Variants in SPTLC2 observed in about 807,000 individuals in gnomAD.
The protein encoded by SPTLC2 is serine palmitoyltransferase 2.
Under a neutral mutation model 62.0 loss-of-function variants are expected in SPTLC2, and 21 were observed. The ratio of observed to expected loss-of-function variants is 0.34; its 90% CI spans 0.24 to 0.49. The LOEUF is 0.49. Ranked by LOEUF, SPTLC2 falls within the 20% of genes least tolerant of loss-of-function variation. The probability of loss-of-function intolerance (pLI) is 0.99; values close to 1 mark genes in which losing one functional copy is unlikely to be tolerated. For synonymous variants in SPTLC2, 261 were observed against 261.8 expected (o/e 1.00, Z 0.03); for missense variants, 511 against 713.0 (o/e 0.72, Z 3.23).
chr14:77,509,624 C>T lies in SPTLC2; in HGVS notation c.*2660G>A, dbSNP rs1186804349. The T allele has an allele frequency of 5.9e-6, 2 of 337,888 alleles. No individual in the cohort carries two copies. Among genetic ancestry groups the T allele is most frequent in the Non-Finnish European group, 1.1e-5 (2 of 188,650 alleles). The allele number at this position is 337,888 out of a possible 1,614,324, so 20.9% of individuals were successfully genotyped here. A position where few individuals can be genotyped will look rare whatever the true frequency, so the allele number is the denominator to read the frequency against. ...GAAACTACTCTTGTATGCCTCAAAT[C>T]GACTTATTCTCAATGACTGTATTTA... On this transcript the variant is annotated 3_prime_UTR_variant, in exon 12 of 12. Transcript: ENST00000216484.
intron 4 of SPTLC2, among the ~76,000 whole-genome samples, chr14:77,575,924 A>C (rs2079713141): frequency 6.6e-6 from 1 of 152,218 alleles, no homozygotes; most frequent in African/African-American, 2.4e-5. Flanking sequence ...AAGAAACCCA[A>C]GCTAGAAACA....
chr14:77,583,291 A>G (rs1251229206), intron 2 of SPTLC2, among the ~76,000 whole-genome samples: 1 of 152,076 alleles, frequency 6.6e-6, no homozygotes, highest in Non-Finnish European at 1.5e-5. Context: ...AACTCCCTGC[A>G]GCTTAGCCAT....
chr14:77,615,421 T>A (rs945545013), intron 1 of SPTLC2, among the ~76,000 whole-genome samples: 1 of 152,176 alleles, frequency 6.6e-6, no homozygotes, highest in African/African-American at 2.4e-5. Context: ...AAGATCACCA[T>A]CCTATCAAAC....
At chr14:77,547,108 G>A (rs1367616240) in intron 9 of SPTLC2, among the ~76,000 whole-genome samples, 2 of 151,946 alleles carry the variant, frequency 1.3e-5, no homozygotes, top group Non-Finnish European at 2.9e-5. Flanking sequence ...CAGGTGATCC[G>A]CCTGCCTCGG....
At chr14:77,560,209 C>T (rs2079606975) in intron 6 of SPTLC2, among the ~76,000 whole-genome samples, 1 of 152,158 alleles carries the variant, frequency 6.6e-6, no homozygotes, top group African/African-American at 2.4e-5. Flanking sequence ...ATACAAGATG[C>T]AAGCATGTGT....
chr14:77,530,909 T>C (rs1323573410), intron 9 of SPTLC2, among the ~76,000 whole-genome samples: 2 of 152,154 alleles, frequency 1.3e-5, no homozygotes, highest in African/African-American at 4.8e-5. Flanking sequence ...TTTGTTGCAT[T>C]ACAAATAATC....
chr14:77,539,483 CTTTTTTTTT>C lies in SPTLC2; in HGVS notation c.1303+12604_1303+12612del, dbSNP rs71128638. Among the ~76,000 whole-genome samples, 30 of 53,488 alleles carry C rather than the reference CTTTTTTTTT, an allele frequency of 5.6e-4. No individual in the cohort carries two copies. In the East Asian group the frequency reaches 7.4e-3, roughly 13 times the overall value. 35.1% of individuals were successfully genotyped at this position (53,488 alleles called of 152,430 possible). The stretch of plus-strand genomic sequence containing the variant: ...AAAATGAAAATTTTATCTTAAGAGG[CTTTTTTTTT>C]TTTTTTTTTTTTTTGGAGATGGGGT... On this transcript the variant is annotated intron_variant, in intron 9 of 11. Transcript: ENST00000216484.
intron 2 of SPTLC2, among the ~76,000 whole-genome samples, chr14:77,596,262 C>G (rs1566790987): frequency 6.6e-6 from 1 of 151,974 alleles, no homozygotes; most frequent in Non-Finnish European, 1.5e-5. Context: ...TGGTGTGAAC[C>G]CGGGAGGCGG....
intron 9 of SPTLC2, 85 bp from the exon 10 acceptor site, chr14:77,521,666 C>T: frequency 8.1e-7 from 1 of 1,229,766 alleles, no homozygotes; most frequent in Non-Finnish European, 1.2e-6. Flanking sequence ...TATCTCCATT[C>T]TATCTAATCA....
At chr14:77,616,242 C>T (rs1212277194) in intron 1 of SPTLC2, among the ~76,000 whole-genome samples, 1 of 152,136 alleles carries the variant, frequency 6.6e-6, no homozygotes, top group African/African-American at 2.4e-5. Flanking sequence ...GACCTCCAGG[C>T]GCGGAGAGGT....
intron 9 of SPTLC2, among the ~76,000 whole-genome samples, chr14:77,546,921 G>A (rs1282236202): frequency 6.6e-6 from 1 of 152,008 alleles, no homozygotes; most frequent in African/African-American, 2.4e-5. Context: ...TTAGAGACAG[G>A]GCTTCTCCAT....
chr14:77,548,760 G>A (rs2284229), intron 9 of SPTLC2, among the ~76,000 whole-genome samples: 33,796 of 152,094 alleles, frequency 0.22, 4,469 homozygotes, highest in East Asian at 0.56. Flanking sequence ...GGGGAAATGC[G>A]GAAAAAGTTG....
rs916621226 is a variant in SPTLC2, at chr14:77,509,947, A to C, written c.*2337T>G. 5.0e-6 allele frequency: 2 copies of C among 398,324 alleles called. No homozygotes were observed. Among genetic ancestry groups the C allele is most frequent in the African/African-American group, 4.1e-5 (2 of 48,640 alleles). 24.7% of individuals were successfully genotyped at this position (398,324 alleles called of 1,614,324 possible). ...AATTTGCAGTGACTTCATGCAAGCC[A>C]AAATAAAAAGACTAGCAGGTAAGTT... is the stretch of plus-strand genomic sequence containing the variant. On this transcript the variant is annotated 3_prime_UTR_variant, in exon 12 of 12. Coordinates refer to ENST00000216484, the MANE Select transcript of SPTLC2 (RefSeq NM_004863.4).
chr14:77,535,387 T>C (rs957550597), intron 9 of SPTLC2, among the ~76,000 whole-genome samples: 2 of 152,108 alleles, frequency 1.3e-5, no homozygotes, highest in Admixed American at 1.3e-4. Context: ...TTAGGCGGGA[T>C]GAGAAGGCCT....
chr14:77,589,533 T>C (rs924176160), intron 2 of SPTLC2, among the ~76,000 whole-genome samples: 3 of 151,314 alleles, frequency 2.0e-5, no homozygotes, highest in African/African-American at 7.3e-5. Context: ...CTCATGCCTG[T>C]AATCCCAGTA....
intron 9 of SPTLC2, among the ~76,000 whole-genome samples, chr14:77,526,242 A>C (rs1304017522): frequency 6.6e-6 from 1 of 152,216 alleles, no homozygotes; most frequent in African/African-American, 2.4e-5. Context: ...ACCAATTGCT[A>C]TTTAACGCCA....
intron 4 of SPTLC2, among the ~76,000 whole-genome samples, chr14:77,576,409 G>C (rs1310726217): frequency 6.6e-6 from 1 of 152,170 alleles, no homozygotes; most frequent in Non-Finnish European, 1.5e-5. Context: ...CCATGTACCA[G>C]TATGAAAGCA....
In SPTLC2 at chr14:77,555,199, T is replaced by C. The variant is rs572830143; in HGVS notation, c.1176+101A>G. ...TATGAGCCTAAACCAGAGGCAAATTTGCGGACATCCCAGTTCAGGGCCCCA... is the reference window on the plus strand; with the variant it reads ...TATGAGCCTAAACCAGAGGCAAATTCGCGGACATCCCAGTTCAGGGCCCCA... On this transcript the variant is annotated intron_variant, in intron 8 of 11. Transcript: ENST00000216484. 2,575 of 1,359,992 alleles carry C rather than the reference T, an allele frequency of 1.9e-3. 8 individuals carry two copies. The highest frequency in any genetic ancestry group is 2.4e-3 in the Non-Finnish European group (2,301 of 956,824). 84.2% of individuals were successfully genotyped at this position (1,359,992 alleles called of 1,614,324 possible). A position where few individuals can be genotyped will look rare whatever the true frequency, so the allele number is the denominator to read the frequency against.
chr14:77,552,805 TAAAAAAAAAA>T (rs58847640), intron 8 of SPTLC2, among the ~76,000 whole-genome samples: 1 of 130,986 alleles, frequency 7.6e-6, no homozygotes, highest in Admixed American at 8.1e-5. Context: ...GACTCCGTCT[TAAAAAAAAAA>T]AAAAAAAAAA....
Sources: allele counts gnomAD v4.1 joint callset (sites outside exome capture counted in the v4.1 genomes callset), GRCh38; gene constraint gnomAD v4.1.1; transcripts MANE v1.5; gene names NCBI Gene and HGNC (gene_info 2026-07-23, HGNC 2026-07-21).